SLC44A3: variants seen among roughly 807,000 people sequenced by gnomAD.
SLC44A3 encodes solute carrier family 44 member 3.
A neutral mutation model predicts 75.4 loss-of-function variants in SLC44A3; 74 were observed. That is an observed-to-expected ratio of 0.98 (90% CI 0.81 to 1.19). The LOEUF (loss-of-function observed/expected upper bound fraction) is 1.19. Ranked by LOEUF, SLC44A3 falls within the 50% of genes most tolerant of loss-of-function variation. The pLI is 0.00. For synonymous variants in SLC44A3, 310 were observed against 296.9 expected, an observed-to-expected ratio of 1.04 and a Z score of -0.45; for missense variants, 700 against 778.6, an observed-to-expected ratio of 0.90 and a Z score of 1.20.
intron 1 of SLC44A3, 148 bp downstream of exon 1, chr1:94,820,626 G>C: frequency 7.3e-7 from 1 of 1,369,846 alleles, no homozygotes; most frequent in Non-Finnish European, 9.4e-7. Flanking sequence ...GCCACCTGGC[G>C]GGGAGGAACC....
chr1:94,843,700 G>A (rs1663994006), intron 8 of SLC44A3: 1 of 152,334 alleles, frequency 6.6e-6, no homozygotes, highest in South Asian at 2.1e-4. Context: ...TGAGATGCAG[G>A]TGCAGGGAGG....
chr1:94,859,292 C>G, intron 10 of SLC44A3, among the ~76,000 whole-genome samples: 1 of 152,212 alleles, frequency 6.6e-6, no homozygotes, highest in Non-Finnish European at 1.5e-5. Flanking sequence ...CTCCTAATCT[C>G]TTCCCTTTCT....
At chr1:94,840,569 T>C (rs859115) in intron 7 of SLC44A3, among the ~76,000 whole-genome samples, 84,408 of 151,920 alleles carry the variant, frequency 0.56, 23,568 homozygotes, top group East Asian at 0.69. Context: ...GGATTACAGG[T>C]ATGAGTCACC....
chr1:94,877,324 T>C, intron 12 of SLC44A3, among the ~76,000 whole-genome samples: 1 of 152,080 alleles, frequency 6.6e-6, no homozygotes, highest in Non-Finnish European at 1.5e-5. Context: ...AGGTAAGGGC[T>C]TAAAGAGCCT....
chr1:94,885,690 G>A (rs859071), intron 12 of SLC44A3, among the ~76,000 whole-genome samples: 117,069 of 152,082 alleles, frequency 0.77, 45,676 homozygotes, highest in Non-Finnish European at 0.84. Context: ...GCGTGGAACC[G>A]GGGGCACACT....
chr1:94,872,263 G>A (rs1667839315), intron 12 of SLC44A3, among the ~76,000 whole-genome samples: 1 of 151,880 alleles, frequency 6.6e-6, no homozygotes, highest in Non-Finnish European at 1.5e-5. Flanking sequence ...CACCACACCT[G>A]GCTGATTTTG....
At chr1:94,830,358 G>T (rs1188325970) in intron 5 of SLC44A3, among the ~76,000 whole-genome samples, 2 of 152,052 alleles carry the variant, frequency 1.3e-5, no homozygotes, top group Admixed American at 6.6e-5. Context: ...GACCACAGGC[G>T]CATGCCACCA....
At chr1:94,844,428 C>A (rs1193287794) in intron 8 of SLC44A3, among the ~76,000 whole-genome samples, 2 of 152,046 alleles carry the variant, frequency 1.3e-5, no homozygotes, top group South Asian at 2.1e-4. Context: ...AGGAAGGATG[C>A]TGAAAGCACA....
At chr1:94,863,442 G>C (rs1666816280) in intron 10 of SLC44A3, among the ~76,000 whole-genome samples, 2 of 152,082 alleles carry the variant, frequency 1.3e-5, no homozygotes, top group Non-Finnish European at 2.9e-5. Context: ...TGGAAAGCAG[G>C]TGTTGTCCTC....
At chr1:94,838,680 T>A (rs912492813) in intron 6 of SLC44A3, among the ~76,000 whole-genome samples, 1 of 152,238 alleles carries the variant, frequency 6.6e-6, no homozygotes, top group Non-Finnish European at 1.5e-5. Context: ...TCCTGAATGC[T>A]TGGGGATATT....
Position 94,824,477 on chromosome 1 carries a change from C to A in SLC44A3, c.136-16C>A. On this transcript the variant is annotated splice_polypyrimidine_tract_variant and intron_variant, in intron 2 of 14. Coordinates refer to ENST00000271227, the MANE Select transcript of SLC44A3 (RefSeq NM_001114106.3). Reference sequence around the variant, plus strand: ...AGCCCTTTGGCCAGGCTCTCATATGCCCCCGTTTTTGCCAGGTGTTTATCA... The same window carrying A: ...AGCCCTTTGGCCAGGCTCTCATATGACCCCGTTTTTGCCAGGTGTTTATCA... 6.3e-7 allele frequency: 1 copy of A among 1,583,928 alleles called. No homozygotes were observed. The highest frequency in any genetic ancestry group is 1.8e-4 in the Middle Eastern group (1 of 5,700).
chr1:94,858,755 G>A (rs1469252551), intron 10 of SLC44A3, among the ~76,000 whole-genome samples: 6 of 152,110 alleles, frequency 3.9e-5, no homozygotes, highest in Non-Finnish European at 8.8e-5. Context: ...GTAGCGGCAC[G>A]ATCTTGGCTC....
chr1:94,848,267 A>G (rs1426992685), intron 9 of SLC44A3, among the ~76,000 whole-genome samples: 1 of 150,374 alleles, frequency 6.7e-6, no homozygotes, highest in Admixed American at 6.6e-5. Flanking sequence ...GTTTGCTCAG[A>G]ATGAAGCTGT....
chr1:94,884,475 C>T (rs1279722266), intron 12 of SLC44A3, among the ~76,000 whole-genome samples: 1 of 152,122 alleles, frequency 6.6e-6, no homozygotes, highest in Non-Finnish European at 1.5e-5. Context: ...TATTTTTTTT[C>T]AGTTCTGAGG....
intron 9 of SLC44A3, 133 bp from the exon 10 acceptor site, chr1:94,857,202 A>G: frequency 1.2e-6 from 1 of 809,790 alleles, no homozygotes; most frequent in East Asian, 2.9e-5. Context: ...ATTTTAAATT[A>G]TGGTGGGTAC....
chr1:94,881,079 A>C lies in SLC44A3; in HGVS notation c.1483-10051A>C, dbSNP rs184997908. 5.9e-5 allele frequency among the ~76,000 whole-genome samples: 9 copies of C among 152,298 alleles called. 1 individual carries two copies. The highest frequency in any genetic ancestry group is 4.6e-4 in the Admixed American group (7 of 15,296). On this transcript the variant is annotated intron_variant, in intron 12 of 14. Coordinates refer to ENST00000271227, the MANE Select transcript of SLC44A3 (RefSeq NM_001114106.3). ...ATGTTACTACAGTGAATGTCTCTGAAGCAAATGCCTTTAAATTATAAACGT... is the reference window on the plus strand; with the variant it reads ...ATGTTACTACAGTGAATGTCTCTGACGCAAATGCCTTTAAATTATAAACGT...
Position 94,874,648 on chromosome 1 carries a change from G to A in SLC44A3, c.1482+7231G>A, listed in dbSNP as rs79907008. 6.3e-3 allele frequency among the ~76,000 whole-genome samples: 958 copies of A among 152,316 alleles called. 7 individuals carry two copies. The highest frequency in any genetic ancestry group is 8.8e-3 in the Non-Finnish European group (601 of 68,022). On this transcript the variant is annotated intron_variant, in intron 12 of 14. Coordinates refer to ENST00000271227, the MANE Select transcript of SLC44A3 (RefSeq NM_001114106.3). Reference sequence around the variant, plus strand: ...GACTTCGACTTCCTCCTAAGTGTGCGGCTCCCGAAGACAAGAATACCAGCC... The same window carrying A: ...GACTTCGACTTCCTCCTAAGTGTGCAGCTCCCGAAGACAAGAATACCAGCC...
chr1:94,867,210 C>A, intron 11 of SLC44A3, 121 bp from the exon 12 acceptor site: 1 of 705,116 alleles, frequency 1.4e-6, no homozygotes, highest in Non-Finnish European at 2.3e-6. Flanking sequence ...TAGAACTTCT[C>A]CCACGCCACC....
chr1:94,884,135 G>A (rs1484486448), intron 12 of SLC44A3, among the ~76,000 whole-genome samples: 1 of 152,190 alleles, frequency 6.6e-6, no homozygotes, highest in African/African-American at 2.4e-5. Context: ...CCTGTTCGTG[G>A]CTTCATAGGC....
Sources: gnomAD v4.1 joint callset for allele counts (sites outside exome capture counted in the v4.1 genomes callset) on GRCh38, gnomAD v4.1.1 for gene constraint, MANE v1.5 for transcripts, NCBI Gene and HGNC (gene_info 2026-07-23, HGNC 2026-07-21) for gene names.